Variants in PLD5 observed in about 807,000 individuals in gnomAD.
PLD5 encodes inactive phospholipase D5.
A neutral mutation model predicts 61.1 loss-of-function variants in PLD5; 36 were observed. That is an observed-to-expected ratio of 0.59 (90% CI 0.45 to 0.78). The LOEUF is 0.78. Ranked by LOEUF, PLD5 falls within the 30% of genes least tolerant of loss-of-function variation. The probability of loss-of-function intolerance (pLI) is 0.00; values close to 1 mark genes in which losing one functional copy is unlikely to be tolerated. For missense variants in PLD5, 515 were observed against 644.4 expected, an observed-to-expected ratio of 0.80 and a Z score of 2.17; for synonymous variants, 243 against 242.8, an observed-to-expected ratio of 1.00 and a Z score of -0.01.
chr1:242,084,994 A>C lies in PLD5; in HGVS notation c.*4860T>G, dbSNP rs1659387423. 6.6e-6 allele frequency: 1 copy of C among 152,044 alleles called. No individual in the cohort carries two copies. The highest frequency in any genetic ancestry group is 2.4e-5 in the African/African-American group (1 of 41,412). The allele number at this position is 152,044 out of a possible 1,614,324, so 9.4% of individuals were successfully genotyped here. A position where few individuals can be genotyped will look rare whatever the true frequency, so the allele number is the denominator to read the frequency against. On this transcript the variant is annotated 3_prime_UTR_variant, in exon 10 of 10. Transcript: ENST00000536534. ...AAAAGCCATCTAATATTTACTTCTGAAAAAACTGAGCATCTGGTTATACGA... is the reference window on the plus strand; with the variant it reads ...AAAAGCCATCTAATATTTACTTCTGCAAAAACTGAGCATCTGGTTATACGA...
At chr1:242,231,416 C>G (rs78080577) in intron 4 of PLD5, among the ~76,000 whole-genome samples, 5 of 152,312 alleles carry the variant, frequency 3.3e-5, no homozygotes, top group African/African-American at 1.2e-4. Flanking sequence ...TTTGGAGGAG[C>G]TTTGCTTTCT....
rs1462675763 is a variant in PLD5 at position 242,368,363 on chromosome 1, C to CA, written c.190-20122dup. 1.4e-4 allele frequency among the ~76,000 whole-genome samples: 21 copies of CA among 152,176 alleles called. 1 individual carries two copies. The Middle Eastern group carries it at 0.01, about 74-fold the overall frequency. ...ATTGTCTGGGGTGATATTCAACGTT[C>CA]ACTGTCTCATAGCCATGGAGATCAA... On this transcript the variant is annotated intron_variant, in intron 1 of 9. Transcript: ENST00000536534.
At chr1:242,442,667 G>A (rs2102909609) in intron 1 of PLD5, among the ~76,000 whole-genome samples, 1 of 152,130 alleles carries the variant, frequency 6.6e-6, no homozygotes, top group East Asian at 1.9e-4. Flanking sequence ...CAGTTTTTAT[G>A]TTATCTTAAA....
intron 3 of PLD5, among the ~76,000 whole-genome samples, chr1:242,271,573 C>A (rs2149113045): frequency 6.6e-6 from 1 of 152,060 alleles, no homozygotes; most frequent in Admixed American, 6.5e-5. Context: ...GGTTGTATAG[C>A]CTATGGAAGA....
chr1:242,503,280 C>G (rs1668616339), intron 1 of PLD5, among the ~76,000 whole-genome samples: 1 of 152,074 alleles, frequency 6.6e-6, no homozygotes, highest in African/African-American at 2.4e-5. Context: ...CACGCGAGAT[C>G]TGGTTGTTTA....
intron 1 of PLD5, among the ~76,000 whole-genome samples, chr1:242,458,730 G>T (rs1208541116): frequency 6.6e-6 from 1 of 152,006 alleles, no homozygotes; most frequent in Non-Finnish European, 1.5e-5. Flanking sequence ...ATAATTACCT[G>T]TGTTAATTGT....
At chr1:242,452,253 G>A (rs1005164558) in intron 1 of PLD5, among the ~76,000 whole-genome samples, 6 of 152,200 alleles carry the variant, frequency 3.9e-5, no homozygotes, top group Non-Finnish European at 8.8e-5. Flanking sequence ...GAAACAACAA[G>A]GGACTAGGAG....
chr1:242,140,393 C>T (rs1470788370), intron 5 of PLD5, among the ~76,000 whole-genome samples: 2 of 152,152 alleles, frequency 1.3e-5, no homozygotes, highest in African/African-American at 4.8e-5. Context: ...CCTGTAATCC[C>T]AATACTTGGG....
intron 5 of PLD5, among the ~76,000 whole-genome samples, chr1:242,160,662 G>A (rs1665749134): frequency 6.6e-6 from 1 of 152,108 alleles, no homozygotes; most frequent in African/African-American, 2.4e-5. Flanking sequence ...TGAGGCAGGT[G>A]GATCATGAGG....
intron 1 of PLD5, among the ~76,000 whole-genome samples, chr1:242,401,496 G>A (rs887924743): frequency 2.0e-5 from 3 of 152,088 alleles, no homozygotes; most frequent in African/African-American, 4.8e-5. Context: ...GAGGGCCGCC[G>A]GGACCCCACC....
rs1663085592 is a variant in PLD5 at position 242,129,751 on chromosome 1, T to C, written c.736-5086A>G. Among the ~76,000 whole-genome samples, 2 of 152,224 alleles carry C rather than the reference T, an allele frequency of 1.3e-5. 1 individual carries two copies. The highest frequency in any genetic ancestry group is 4.1e-4 in the South Asian group (2 of 4,830). On this transcript the variant is annotated intron_variant, in intron 5 of 9. Coordinates refer to ENST00000536534, the MANE Select transcript of PLD5 (RefSeq NM_001372062.1). ...ATTGTAACCATCATCACCTGGATAGTATACATTGTACTCATTAATTTCTCA... is the reference window on the plus strand; with the variant it reads ...ATTGTAACCATCATCACCTGGATAGCATACATTGTACTCATTAATTTCTCA...
intron 2 of PLD5, among the ~76,000 whole-genome samples, chr1:242,289,658 T>G (rs1034992818): frequency 2.3e-4 from 35 of 152,192 alleles, no homozygotes; most frequent in Non-Finnish European, 4.6e-4. Flanking sequence ...CCCAGCCTCC[T>G]GCAATTCTTG....
chr1:242,508,162 A>C (rs1463556892), intron 1 of PLD5, among the ~76,000 whole-genome samples: 1 of 151,654 alleles, frequency 6.6e-6, no homozygotes, highest in African/African-American at 2.4e-5. Flanking sequence ...TCAGGAGTTC[A>C]AGACCAGCCT....
chr1:242,098,675 C>T lies in PLD5; in HGVS notation c.1354+1993G>A, dbSNP rs1435827928. Among the ~76,000 whole-genome samples, 3 of 152,076 alleles carry T rather than the reference C, an allele frequency of 2.0e-5. No homozygotes were observed. In the East Asian group the frequency reaches 5.8e-4, roughly 29 times the overall value. On this transcript the variant is annotated intron_variant, in intron 9 of 9. Coordinates refer to ENST00000536534, the MANE Select transcript of PLD5 (RefSeq NM_001372062.1). The stretch of plus-strand genomic sequence containing the variant: ...TTCAGTTTTTCTGCTCTGTTTTTTC[C>T]CCATCTTCATGGTTTTATCTACGTT...
chr1:242,401,760 C>T (rs1553368426), intron 1 of PLD5, among the ~76,000 whole-genome samples: 1 of 152,198 alleles, frequency 6.6e-6, no homozygotes, highest in Non-Finnish European at 1.5e-5. Context: ...CCTGCACTCT[C>T]TGCCCCTGGT....
chr1:242,191,118 A>G (rs1668247917), intron 5 of PLD5, among the ~76,000 whole-genome samples: 1 of 150,556 alleles, frequency 6.6e-6, no homozygotes, highest in Non-Finnish European at 1.5e-5. Flanking sequence ...GCCCAAATAA[A>G]CTATGGAGTT....
intron 5 of PLD5, among the ~76,000 whole-genome samples, chr1:242,149,409 C>T (rs1664765065): frequency 6.6e-6 from 1 of 151,636 alleles, no homozygotes; most frequent in African/African-American, 2.4e-5. Context: ...ACTTCCCATC[C>T]ATGTTTATGA....
At chr1:242,344,330 T>C (rs1015074214) in intron 2 of PLD5, among the ~76,000 whole-genome samples, 2 of 152,112 alleles carry the variant, frequency 1.3e-5, no homozygotes, top group African/African-American at 2.4e-5. Flanking sequence ...AGCTTTCCCA[T>C]TTCTCTGTCT....
At chr1:242,362,417 C>G (rs1167450725) in intron 1 of PLD5, among the ~76,000 whole-genome samples, 11 of 152,122 alleles carry the variant, frequency 7.2e-5, no homozygotes, top group Non-Finnish European at 5.9e-5. Flanking sequence ...TTAATTTTCA[C>G]TATAGTTATT....
Sources: allele counts gnomAD v4.1 joint callset (sites outside exome capture counted in the v4.1 genomes callset), GRCh38; gene constraint gnomAD v4.1.1; transcripts MANE v1.5; gene names NCBI Gene and HGNC (gene_info 2026-07-23, HGNC 2026-07-21).